WDPCP: variants seen among roughly 807,000 people sequenced by gnomAD.
WDPCP encodes WD repeat containing planar cell polarity effector.
Under a neutral mutation model 93.1 loss-of-function variants are expected in WDPCP, and 71 were observed. The ratio of observed to expected loss-of-function variants is 0.76; its 90% CI spans 0.63 to 0.93. The LOEUF is 0.93. Among genes scored for constraint, WDPCP ranks in the 40% least tolerant of loss-of-function variants. WDPCP has a pLI of 0.00. For synonymous variants in WDPCP, 315 were observed against 315.0 expected, an observed-to-expected ratio of 1.00 and a Z score of 0.00; for missense variants, 844 against 887.4, an observed-to-expected ratio of 0.95 and a Z score of 0.62.
chr2:63,476,125 C>T (rs2105853426), intron 6 of WDPCP, among the ~76,000 whole-genome samples: 1 of 152,196 alleles, frequency 6.6e-6, no homozygotes, highest in South Asian at 2.1e-4. Flanking sequence ...GATTTCAGGG[C>T]CTCTGGTTCT....
intron 1 of WDPCP, among the ~76,000 whole-genome samples, chr2:63,521,216 C>T (rs555565793): frequency 1.3e-5 from 2 of 152,286 alleles, no homozygotes; most frequent in South Asian, 4.2e-4. Flanking sequence ...CTATACCAAC[C>T]TTGAATGTAA....
At chr2:63,500,750 A>G (rs562811247) in intron 1 of WDPCP, among the ~76,000 whole-genome samples, 1 of 152,324 alleles carries the variant, frequency 6.6e-6, no homozygotes, top group Non-Finnish European at 1.5e-5. Flanking sequence ...CTACATTTGT[A>G]ACGGTGTTGT....
intron 3 of WDPCP, chr2:63,605,300 T>C (rs779197641): frequency 6.2e-7 from 1 of 1,613,884 alleles, no homozygotes; most frequent in South Asian, 1.1e-5. Flanking sequence ...AGCGTGGCGC[T>C]GCTGTCATCA....
intron 14 of WDPCP, among the ~76,000 whole-genome samples, chr2:63,207,836 C>T (rs148257379): frequency 6.6e-6 from 1 of 152,122 alleles, no homozygotes; most frequent in Non-Finnish European, 1.5e-5. Context: ...GGTTTTTCTT[C>T]TCTAGGAATT....
chr2:63,379,119 G>A (rs927468643), intron 11 of WDPCP, among the ~76,000 whole-genome samples: 4 of 152,146 alleles, frequency 2.6e-5, no homozygotes, highest in Admixed American at 2.0e-4. Flanking sequence ...GGCAGGTTTT[G>A]ATAAACTAGA....
At chr2:63,368,488 G>A (rs998539702) in intron 12 of WDPCP, among the ~76,000 whole-genome samples, 6 of 151,926 alleles carry the variant, frequency 3.9e-5, no homozygotes, top group African/African-American at 1.4e-4. Flanking sequence ...ACCATGCCTG[G>A]CTAATTTTTG....
At chr2:63,586,808 T>G (rs896175679) in intron 1 of WDPCP, among the ~76,000 whole-genome samples, 41 of 152,340 alleles carry the variant, frequency 2.7e-4, no homozygotes, top group African/African-American at 9.1e-4. Context: ...GCTATAGGAC[T>G]GCAGTGAGAA....
At chr2:63,275,725 A>C (rs1203544296) in intron 13 of WDPCP, among the ~76,000 whole-genome samples, 2 of 152,232 alleles carry the variant, frequency 1.3e-5, no homozygotes, top group Non-Finnish European at 2.9e-5. Flanking sequence ...CCAGTAAAAA[A>C]AACCAAAGAG....
At position 63,154,184 on chromosome 2, in the gene WDPCP, ACTTT is replaced by A. The variant is rs990021433; in HGVS notation, c.2079-614_2079-611del. 2.6e-5 allele frequency among the ~76,000 whole-genome samples: 4 copies of A among 151,932 alleles called. No individual in the cohort carries two copies. The South Asian group carries it at 8.3e-4, about 32-fold the overall frequency. On this transcript the variant is annotated intron_variant, in intron 15 of 17. Transcript: ENST00000272321. ...TTGTACTGTTTATATGTTAAAACTG[ACTTT>A]CTTAAGGTATAGAGTTTTGTGAATT...
intron 12 of WDPCP, among the ~76,000 whole-genome samples, chr2:63,320,413 G>C (rs1265660664): frequency 1.3e-5 from 2 of 152,110 alleles, no homozygotes; most frequent in Non-Finnish European, 2.9e-5. Context: ...AAATACCTGG[G>C]CAAATATAAA....
intron 12 of WDPCP, among the ~76,000 whole-genome samples, chr2:63,373,282 G>C (rs556918376): frequency 3.0e-5 from 4 of 132,514 alleles, no homozygotes; most frequent in African/African-American, 1.1e-4. Flanking sequence ...AATGACATAC[G>C]GTCTTGCTCT....
intron 12 of WDPCP, among the ~76,000 whole-genome samples, chr2:63,324,903 CCTT>C (rs956683181): frequency 6.6e-6 from 1 of 152,172 alleles, no homozygotes; most frequent in Admixed American, 6.5e-5. Flanking sequence ...GGAAGAAAAT[CCTT>C]CTGCTTTCCT....
intron 1 of WDPCP, among the ~76,000 whole-genome samples, chr2:63,502,430 T>C (rs545442425): frequency 2.0e-5 from 3 of 152,350 alleles, no homozygotes; most frequent in African/African-American, 7.2e-5. Context: ...TAAATTTACA[T>C]TTCCACCCAA....
chr2:63,342,828 A>G (rs1049533525), intron 12 of WDPCP, among the ~76,000 whole-genome samples: 1 of 151,840 alleles, frequency 6.6e-6, no homozygotes, highest in Non-Finnish European at 1.5e-5. Flanking sequence ...CACGTTCTTT[A>G]TTTCTTTCTA....
intron 15 of WDPCP, among the ~76,000 whole-genome samples, chr2:63,164,366 G>A (rs916866364): frequency 6.6e-6 from 1 of 152,150 alleles, no homozygotes; most frequent in African/African-American, 2.4e-5. Flanking sequence ...TGATTGGATC[G>A]TGGGAGTGGT....
At chr2:63,532,668 T>G (rs1045759737) in intron 1 of WDPCP, among the ~76,000 whole-genome samples, 51 of 152,282 alleles carry the variant, frequency 3.3e-4, no homozygotes, top group African/African-American at 1.1e-3. Context: ...CTGAGAGATT[T>G]TGTCACCACC....
At chr2:63,696,933 C>T (rs1263350089) in intron 2 of WDPCP, among the ~76,000 whole-genome samples, 2 of 152,194 alleles carry the variant, frequency 1.3e-5, no homozygotes, top group Non-Finnish European at 2.9e-5. Flanking sequence ...TCACTGCATT[C>T]CTCCCCTACC....
chr2:63,450,164 T>C (rs1476558888), intron 6 of WDPCP, among the ~76,000 whole-genome samples: 6 of 152,160 alleles, frequency 3.9e-5, no homozygotes, highest in South Asian at 2.1e-4. Context: ...TCCTTCTTCC[T>C]TTCCACACAC....
intron 2 of WDPCP, among the ~76,000 whole-genome samples, chr2:63,811,007 G>A (rs1670854399): frequency 1.3e-5 from 2 of 152,188 alleles, no homozygotes; most frequent in Non-Finnish European, 2.9e-5. Context: ...AAAGGCAGAG[G>A]ACTCCTATGT....
Sources: gnomAD v4.1 joint callset for allele counts (sites outside exome capture counted in the v4.1 genomes callset) on GRCh38, gnomAD v4.1.1 for gene constraint, MANE v1.5 for transcripts, NCBI Gene and HGNC (gene_info 2026-07-23, HGNC 2026-07-21) for gene names.